NIPA2: variants seen among roughly 807,000 people sequenced by gnomAD.
The protein encoded by NIPA2 is NIPA magnesium transporter 2.
NIPA2 carries 11 observed loss-of-function variants against 29.7 expected under a neutral mutation model. That is an observed-to-expected ratio of 0.37 (90% CI 0.23 to 0.61). NIPA2 has a LOEUF of 0.61. Among genes scored for constraint, NIPA2 ranks in the 20% least tolerant of loss-of-function variants. The probability of loss-of-function intolerance (pLI) is 0.66; values close to 1 mark genes in which losing one functional copy is unlikely to be tolerated. For missense variants in NIPA2, 426 were observed against 437.9 expected (o/e 0.97, Z 0.24); for synonymous variants, 183 against 161.9 (o/e 1.13, Z -0.99).
Position 22,867,397 on chromosome 15 carries a change from AAG to A in NIPA2, c.*551_*552del. The A allele has an allele frequency of 1.0e-5, 4 of 386,328 alleles. No homozygotes were observed. Among genetic ancestry groups the A allele is most frequent in the Non-Finnish European group, 1.8e-5 (4 of 219,356 alleles). The allele number at this position is 386,328 out of a possible 1,614,324, so 23.9% of individuals were successfully genotyped here. On this transcript the variant is annotated 3_prime_UTR_variant, in exon 8 of 8. Transcript: ENST00000337451. ...AACCTCTTTCTTACAAAACAAAAAA[AAG>A]GGCAGAAATCACCCCAAGGAACGAT...
chr15:22,855,442 C>T (rs576718679), intron 5 of NIPA2, among the ~76,000 whole-genome samples: 28 of 152,036 alleles, frequency 1.8e-4, no homozygotes, highest in African/African-American at 6.7e-4. Flanking sequence ...TCTGAAGACA[C>T]TGAGCCTTGA....
intron 7 of NIPA2, among the ~76,000 whole-genome samples, chr15:22,865,910 T>C (rs1349367970): frequency 2.0e-5 from 3 of 152,182 alleles, no homozygotes; most frequent in African/African-American, 4.8e-5. Flanking sequence ...AGTTTCTGTG[T>C]CTGTTCTGTT....
rs771069127 is a variant in NIPA2 at position 22,860,626 on chromosome 15, T to C, written c.288-3T>C. 43 of 1,544,944 alleles carry C rather than the reference T, an allele frequency of 2.8e-5. No individual in the cohort carries two copies. The African/African-American group carries it at 5.6e-4, about 20-fold the overall frequency. ...TCTCAATTTTTTTTCCTCCCCATTT[T>C]AGTGCCATTCTTTCTTCATACTTTC... On this transcript the variant is annotated splice_polypyrimidine_tract_variant and splice_region_variant and intron_variant, in intron 6 of 7. Coordinates refer to ENST00000337451, the MANE Select transcript of NIPA2 (RefSeq NM_030922.7).
intron 7 of NIPA2, among the ~76,000 whole-genome samples, chr15:22,862,742 T>C (rs2058707973): frequency 6.6e-6 from 1 of 152,090 alleles, no homozygotes; most frequent in Non-Finnish European, 1.5e-5. Context: ...ATGTAGGATA[T>C]TAGAAGGTGT....
At chr15:22,863,000 C>G (rs1280204309) in intron 7 of NIPA2, among the ~76,000 whole-genome samples, 1 of 149,096 alleles carries the variant, frequency 6.7e-6, no homozygotes, top group Non-Finnish European at 1.5e-5. Flanking sequence ...CTCTCGGGCT[C>G]AAGCGATCCT....
chr15:22,842,038 C>T (rs749869188), intron 2 of NIPA2, among the ~76,000 whole-genome samples: 1 of 152,198 alleles, frequency 6.6e-6, no homozygotes, highest in African/African-American at 2.4e-5. Flanking sequence ...CCCCAGTGCC[C>T]TTCACATGTT....
At chr15:22,860,447 C>T (rs2058541091) in intron 6 of NIPA2, among the ~76,000 whole-genome samples, 182 bp from the exon 7 acceptor site, 1 of 152,178 alleles carries the variant, frequency 6.6e-6, no homozygotes, top group Non-Finnish European at 1.5e-5. Context: ...GCAGATGATT[C>T]CCTAGAAATG....
intron 7 of NIPA2, among the ~76,000 whole-genome samples, chr15:22,863,901 C>T (rs1191789858): frequency 6.6e-6 from 1 of 151,996 alleles, no homozygotes; most frequent in Non-Finnish European, 1.5e-5. Flanking sequence ...ATAAATGTTT[C>T]TTTTTTATTT....
In NIPA2 at chr15:22,849,439, C is replaced by T. The variant is rs576723595; in HGVS notation, c.-93-2200C>T. 4.5e-4 allele frequency among the ~76,000 whole-genome samples: 69 copies of T among 152,230 alleles called. 2 individuals are homozygous for T. The South Asian group carries it at 7.1e-3, about 16-fold the overall frequency. On this transcript the variant is annotated intron_variant, in intron 3 of 7. Transcript: ENST00000337451. Reference sequence around the variant, plus strand: ...AGGGACTAGGGGTACTTTTCCAAATCTGTTAAGGGAGAGGTCAGTTCTGGA... The same window carrying T: ...AGGGACTAGGGGTACTTTTCCAAATTTGTTAAGGGAGAGGTCAGTTCTGGA...
At chr15:22,852,609 A>G (rs932456684) in intron 4 of NIPA2, among the ~76,000 whole-genome samples, 2 of 152,160 alleles carry the variant, frequency 1.3e-5, no homozygotes, top group Non-Finnish European at 2.9e-5. Context: ...AAGAGTATCC[A>G]GTTTAGTGAA....
chr15:22,853,451 G>A (rs2057928663), intron 5 of NIPA2, among the ~76,000 whole-genome samples, 183 bp downstream of exon 5: 1 of 149,478 alleles, frequency 6.7e-6, no homozygotes. Flanking sequence ...TTGGCTCAGT[G>A]CAACCTCCAC....
intron 2 of NIPA2, among the ~76,000 whole-genome samples, chr15:22,843,312 G>T (rs923447916): frequency 2.0e-5 from 3 of 151,896 alleles, no homozygotes; most frequent in African/African-American, 7.3e-5. Flanking sequence ...AGACCATCCT[G>T]GCTAACATGG....
chr15:22,855,043 ATAAGACTTAC>A, intron 5 of NIPA2, among the ~76,000 whole-genome samples: 1 of 152,238 alleles, frequency 6.6e-6, no homozygotes. Flanking sequence ...TATGTATTTG[ATAAGACTTAC>A]CAAATAAAAA....
In NIPA2 at chr15:22,851,696, A is replaced by G. The variant is rs374979803; in HGVS notation, c.-36A>G. ...CAGCGGTTTCTCTGTTCTGTGATCA[A>G]TGTGATTCACAGGAACTCCTTAAGT... On this transcript the variant is annotated 5_prime_UTR_variant, in exon 4 of 8. An upstream start codon of the reference 5' UTR is lost. Transcript: ENST00000337451. 211 of 1,588,254 alleles carry G rather than the reference A, an allele frequency of 1.3e-4. No homozygotes were observed. Among genetic ancestry groups the G allele is most frequent in the South Asian group, 2.8e-4 (24 of 86,512 alleles).
At chr15:22,852,021 G>T (rs2057781096) in intron 4 of NIPA2, 151 bp downstream of exon 4, 4 of 700,932 alleles carry the variant, frequency 5.7e-6, no homozygotes, top group Non-Finnish European at 9.4e-6. Context: ...TTGATGTTTG[G>T]TTATTTATAT....
rs964746465 is a variant in NIPA2 at position 22,838,668 on chromosome 15, G to T, written c.-605G>T. 1.3e-5 allele frequency: 2 copies of T among 152,398 alleles called. No individual in the cohort carries two copies. Among genetic ancestry groups the T allele is most frequent in the Admixed American group, 1.3e-4 (2 of 15,292 alleles). The allele number at this position is 152,398 out of a possible 1,614,324, so 9.4% of individuals were successfully genotyped here. A position where few individuals can be genotyped will look rare whatever the true frequency, so the allele number is the denominator to read the frequency against. ...CATTTAGCCGCGCCTAGGTTTTCCGGCGCCGGCCCTAGGTCCCGGCAGCGG... is the reference window on the plus strand; with the variant it reads ...CATTTAGCCGCGCCTAGGTTTTCCGTCGCCGGCCCTAGGTCCCGGCAGCGG... On this transcript the variant is annotated 5_prime_UTR_variant, in exon 1 of 8. Transcript: ENST00000337451.
Position 22,867,314 on chromosome 15 carries a change from A to G in NIPA2, c.*467A>G, listed in dbSNP as rs943103191. On this transcript the variant is annotated 3_prime_UTR_variant, in exon 8 of 8. Coordinates refer to ENST00000337451, the MANE Select transcript of NIPA2 (RefSeq NM_030922.7). Reference sequence around the variant, plus strand: ...AAAAGTGGCTCCTGTTTGTTTGATGATGATTGGTTTTATTTTTGAAATATT... The same window carrying G: ...AAAAGTGGCTCCTGTTTGTTTGATGGTGATTGGTTTTATTTTTGAAATATT... 3.0e-5 allele frequency: 12 copies of G among 397,982 alleles called. No individual in the cohort carries two copies. Among genetic ancestry groups the G allele is most frequent in the Middle Eastern group, 6.3e-4 (1 of 1,582 alleles). 24.7% of individuals were successfully genotyped at this position (397,982 alleles called of 1,614,324 possible). A position where few individuals can be genotyped will look rare whatever the true frequency, so the allele number is the denominator to read the frequency against.
chr15:22,862,787 G>A (rs1317664391), intron 7 of NIPA2, among the ~76,000 whole-genome samples: 2 of 151,900 alleles, frequency 1.3e-5, no homozygotes, highest in Non-Finnish European at 2.9e-5. Flanking sequence ...TTCCTTCAGA[G>A]AGAATGTAAA....
chr15:22,847,210 G>A (rs1899001028), intron 3 of NIPA2, among the ~76,000 whole-genome samples: 1 of 151,368 alleles, frequency 6.6e-6, no homozygotes, highest in Admixed American at 6.6e-5. Flanking sequence ...CCGGCCTTGT[G>A]AGTCTATTGT....
Sources: gnomAD v4.1 joint callset for allele counts (sites outside exome capture counted in the v4.1 genomes callset) on GRCh38, gnomAD v4.1.1 for gene constraint, MANE v1.5 for transcripts, NCBI Gene and HGNC (gene_info 2026-07-23, HGNC 2026-07-21) for gene names.